The following ACACB variants were observed in gnomAD, a reference collection of about 807,000 sequenced individuals.
The protein encoded by ACACB is acetyl-CoA carboxylase beta.
In ACACB, 209 loss-of-function variants were observed where a neutral mutation model predicts 278.8. The observed-to-expected ratio is 0.75, with a 90% CI of 0.67 to 0.84. ACACB has a LOEUF of 0.84. Ranked by LOEUF, ACACB falls within the 40% of genes least tolerant of loss-of-function variation. The pLI is 0.00. For missense variants in ACACB, 2,850 were observed against 3,269.0 expected (o/e 0.87, Z 3.13); for synonymous variants, 1,174 against 1,285.6 (o/e 0.91, Z 1.86).
At chr12:109,228,346 AAG>A (rs2046375783) in intron 28 of ACACB, among the ~76,000 whole-genome samples, 1 of 150,550 alleles carries the variant, frequency 6.6e-6, no homozygotes, top group South Asian at 2.1e-4. Flanking sequence ...AAAAAAAAAA[AAG>A]AGAAAAAACA....
chr12:109,200,428 C>T (rs777816559), intron 18 of ACACB, among the ~76,000 whole-genome samples: 12 of 152,102 alleles, frequency 7.9e-5, no homozygotes, highest in Non-Finnish European at 1.8e-4. Context: ...AGGTGATCCA[C>T]CTGCTTTGGC....
chr12:109,128,588 C>T (rs1305313143), intron 1 of ACACB, among the ~76,000 whole-genome samples: 2 of 152,152 alleles, frequency 1.3e-5, no homozygotes, highest in Non-Finnish European at 2.9e-5. Flanking sequence ...ATCTGCCCCC[C>T]TCAGCCTCCC....
Position 109,215,625 on chromosome 12 carries a change from G to C in ACACB, c.3351-993G>C, listed in dbSNP as rs546220768. Among the ~76,000 whole-genome samples, 5 of 152,116 alleles carry C rather than the reference G, an allele frequency of 3.3e-5. No homozygotes were observed. The East Asian group carries it at 9.7e-4, about 29-fold the overall frequency. On this transcript the variant is annotated intron_variant, in intron 22 of 52. Coordinates refer to ENST00000338432, the MANE Select transcript of ACACB (RefSeq NM_001093.4). ...AAAAATACAAAAAAATTAGCCGAGC[G>C]TGGGTGGCAGGCGCCTGTAGTCCCA... is the stretch of plus-strand genomic sequence containing the variant.
intron 2 of ACACB, among the ~76,000 whole-genome samples, chr12:109,163,162 T>C (rs138170013): frequency 0.024 from 3,682 of 152,192 alleles, 142 homozygotes; most frequent in African/African-American, 0.085. Context: ...TGAACTCAGG[T>C]GATTCACCTG....
intron 26 of ACACB, among the ~76,000 whole-genome samples, chr12:109,223,547 AG>A (rs1375834413): frequency 1.3e-5 from 2 of 152,142 alleles, no homozygotes; most frequent in Non-Finnish European, 2.9e-5. Flanking sequence ...ACTTAAGCCC[AG>A]GAATTTGAGG....
chr12:109,187,904 G>A (rs1416823404), intron 12 of ACACB, 95 bp from the exon 13 acceptor site: 19 of 1,423,426 alleles, frequency 1.3e-5, no homozygotes, highest in South Asian at 2.8e-5. Context: ...TTTGGTCAGC[G>A]TAGGGGTTCT....
chr12:109,118,991 G>A (rs150792991), intron 1 of ACACB, among the ~76,000 whole-genome samples: 52 of 152,238 alleles, frequency 3.4e-4, no homozygotes, highest in African/African-American at 1.1e-3. Flanking sequence ...AGAGAATCCA[G>A]GCTGGGCACA....
At position 109,241,192 on chromosome 12, in the gene ACACB, G is replaced by A. The variant is rs140946857; in HGVS notation, c.4933G>A (p.Val1645Ile). ...NIRQTTTGSA[V>I]PIRLFITNES... is the part of the protein sequence containing the mutation. ...CCGCCAGACCACCACCGGCAGTGCC[G>A]TTCCCATCCGCCTGTTCATCACCAA... is the stretch of plus-strand genomic sequence containing the variant. The change falls in exon 36 of 53, where the codon GTT becomes ATT. Residue 1645 changes from valine to isoleucine, a missense_variant. Coordinates refer to ENST00000338432, the MANE Select transcript of ACACB (RefSeq NM_001093.4). 1.1e-5 allele frequency: 17 copies of A among 1,614,054 alleles called. No homozygotes were observed. The Admixed American group carries it at 1.2e-4, about 11-fold the overall frequency.
In ACACB at chr12:109,247,680, C is replaced by G. The variant is rs376763701; in HGVS notation, c.5646C>G (p.His1882Gln). The change falls in exon 40 of 53, where the codon CAC (histidine) becomes CAG (glutamine). Residue 1882 changes from histidine to glutamine, a missense_variant. His to Gln is a conservative substitution (Grantham distance 24). Transcript: ENST00000338432. ...CCCTGAACTCCGTCCACTGTAAACA[C>G]ATCGAGGAAGGAGGAGAGTCCAGGT... ...ISSLNSVHCK[H>Q]IEEGGESRYM... 1.2e-6 allele frequency: 2 copies of G among 1,613,700 alleles called. No homozygotes were observed. Among genetic ancestry groups the G allele is most frequent in the African/African-American group, 2.7e-5 (2 of 74,926 alleles).
intron 1 of ACACB, among the ~76,000 whole-genome samples, chr12:109,131,907 C>T (rs539753031): frequency 6.6e-5 from 10 of 152,266 alleles, no homozygotes; most frequent in South Asian, 6.2e-4. Context: ...GGCCCCCCCA[C>T]GCCACCGTCT....
At chr12:109,128,628 T>C (rs923953838) in intron 1 of ACACB, among the ~76,000 whole-genome samples, 1 of 152,170 alleles carries the variant, frequency 6.6e-6, no homozygotes, top group Non-Finnish European at 1.5e-5. Flanking sequence ...CGTGAGCCAC[T>C]GCACCCAGTC....
chr12:109,237,255 G>A lies in ACACB; in HGVS notation c.4537G>A (p.Val1513Met), dbSNP rs754860995. Residue 1513 changes from valine to methionine, a missense_variant, in exon 34 of 53, where the codon GTG becomes ATG. Coordinates refer to ENST00000338432, the MANE Select transcript of ACACB (RefSeq NM_001093.4). ...NRMRNFDLTAVPCANHKMHLY... is the reference protein window; with the variant it reads ...NRMRNFDLTAMPCANHKMHLY... ...GATGCGTAACTTCGATCTGACCGCC[G>A]TGCCCTGTGCCAACCACAAGATGCA... 11 of 1,614,052 alleles carry A rather than the reference G, an allele frequency of 6.8e-6. No individual in the cohort carries two copies. The East Asian group carries it at 8.9e-5, about 13-fold the overall frequency.
chr12:109,204,110 G>A (rs973320344), intron 19 of ACACB, among the ~76,000 whole-genome samples: 6 of 151,956 alleles, frequency 3.9e-5, no homozygotes, highest in Non-Finnish European at 7.4e-5. Context: ...TAGGCATACC[G>A]TCTAATAATC....
rs575795707 is a variant in ACACB at position 109,256,320 on chromosome 12, G to A, written c.6263+84G>A. 166 of 1,069,404 alleles carry A rather than the reference G, an allele frequency of 1.6e-4. 2 individuals are homozygous for A. Among genetic ancestry groups the A allele is most frequent in the Non-Finnish European group, 5.2e-5 (37 of 707,354 alleles). 66.2% of individuals were successfully genotyped at this position (1,069,404 alleles called of 1,614,324 possible). On this transcript the variant is annotated intron_variant, in intron 45 of 52. Transcript: ENST00000338432. ...GAGGTGTGAGGCCAGGGACCTCCAGGGGCAATTTTCTTCTTGGCCTCAGGA... is the reference window on the plus strand; with the variant it reads ...GAGGTGTGAGGCCAGGGACCTCCAGAGGCAATTTTCTTCTTGGCCTCAGGA...
chr12:109,201,812 C>T (rs866470207), intron 19 of ACACB, 111 bp downstream of exon 19: 74 of 1,410,444 alleles, frequency 5.2e-5, no homozygotes, highest in African/African-American at 1.6e-4. Context: ...CCTGCCTCCA[C>T]CTGCAGACAG....
intron 11 of ACACB, among the ~76,000 whole-genome samples, chr12:109,181,637 C>T (rs186483614): frequency 6.6e-5 from 10 of 152,122 alleles, no homozygotes; most frequent in Admixed American, 2.6e-4. Flanking sequence ...AGATACTCTT[C>T]GATATACTGA....
chr12:109,150,185 G>T (rs998707833), intron 2 of ACACB, among the ~76,000 whole-genome samples: 3 of 152,202 alleles, frequency 2.0e-5, no homozygotes, highest in African/African-American at 4.8e-5. Context: ...CCTGTTACCT[G>T]TCTGAGCTGC....
chr12:109,232,092 C>T (rs1053710098), intron 28 of ACACB, among the ~76,000 whole-genome samples: 2 of 152,206 alleles, frequency 1.3e-5, no homozygotes, highest in Admixed American at 6.5e-5. Context: ...ACTTCCTGCA[C>T]ACCATTTCAT....
chr12:109,228,387 C>T (rs1380765584), intron 28 of ACACB, among the ~76,000 whole-genome samples: 1 of 150,840 alleles, frequency 6.6e-6, no homozygotes, highest in African/African-American at 2.4e-5. Flanking sequence ...GCCATGGTGG[C>T]CCACACCTGT....
Sources: allele counts gnomAD v4.1 joint callset (sites outside exome capture counted in the v4.1 genomes callset), GRCh38; gene constraint gnomAD v4.1.1; transcripts MANE v1.5; gene names NCBI Gene and HGNC (gene_info 2026-07-23, HGNC 2026-07-21).